The following CHD9 variants were observed in gnomAD, a reference collection of about 807,000 sequenced individuals.
CHD9 encodes chromodomain helicase DNA binding protein 9, also known as ATP-dependent chromatin remodeler CHD9.
In CHD9, 77 loss-of-function variants were observed where a neutral mutation model predicts 316.1. That is an observed-to-expected ratio of 0.24 (90% CI 0.20 to 0.29). CHD9 has a LOEUF of 0.29. CHD9 is among the 10% of genes least tolerant of loss of function. The pLI is 1.00. For missense variants in CHD9, 2,763 were observed against 3,438.1 expected, an observed-to-expected ratio of 0.80 and a Z score of 4.91; for synonymous variants, 1,129 against 1,158.3, an observed-to-expected ratio of 0.97 and a Z score of 0.51.
chr16:53,264,541 C>G (rs1035041586), intron 20 of CHD9, among the ~76,000 whole-genome samples: 2 of 152,088 alleles, frequency 1.3e-5, no homozygotes, highest in Non-Finnish European at 1.5e-5. Flanking sequence ...AATGTGATCT[C>G]TATTTATGAT....
At chr16:53,173,092 T>C (rs1336667501) in intron 2 of CHD9, among the ~76,000 whole-genome samples, 1 of 152,174 alleles carries the variant, frequency 6.6e-6, no homozygotes, top group Non-Finnish European at 1.5e-5. Flanking sequence ...AGTGAAGATT[T>C]TCTCTTATGT....
intron 1 of CHD9, among the ~76,000 whole-genome samples, chr16:53,143,403 T>C (rs1413121783): frequency 6.8e-6 from 1 of 146,296 alleles, no homozygotes; most frequent in Non-Finnish European, 1.5e-5. Context: ...TATTTATTTA[T>C]CTGAGGCAGA....
At chr16:53,320,631 T>C (rs2153114015) in intron 37 of CHD9, among the ~76,000 whole-genome samples, 1 of 152,278 alleles carries the variant, frequency 6.6e-6, no homozygotes, top group South Asian at 2.1e-4. Flanking sequence ...AAGAAGAAAT[T>C]ACTCAAGAAA....
rs192620943 is a variant in CHD9 at position 53,214,936 on chromosome 16, C to T, written c.1784+5123C>T. Among the ~76,000 whole-genome samples, 380 of 142,928 alleles carry T rather than the reference C, an allele frequency of 2.7e-3. 1 individual carries two copies. Among genetic ancestry groups the T allele is most frequent in the Non-Finnish European group, 3.9e-3 (257 of 66,288 alleles). 93.8% of individuals were successfully genotyped at this position (142,928 alleles called of 152,430 possible). Reference sequence around the variant, plus strand: ...ATATCTTTTTTTTTTTTTTTTGAGACGGAGTCTCACTCTGTCTCCCAGGCT... The same window carrying T: ...ATATCTTTTTTTTTTTTTTTTGAGATGGAGTCTCACTCTGTCTCCCAGGCT... On this transcript the variant is annotated intron_variant, in intron 3 of 38. Transcript: ENST00000447540.
chr16:53,187,369 G>A (rs2044109293), intron 2 of CHD9, among the ~76,000 whole-genome samples: 2 of 151,964 alleles, frequency 1.3e-5, no homozygotes, highest in African/African-American at 2.4e-5. Context: ...AAATTAGCTG[G>A]GCATGGTGAC....
chr16:53,286,330 G>T lies in CHD9; in HGVS notation c.5176G>T (p.Asp1726Tyr). 1 of 1,582,026 alleles carries T rather than the reference G, an allele frequency of 6.3e-7. No individual in the cohort carries two copies. Among genetic ancestry groups the T allele is most frequent in the South Asian group, 1.1e-5 (1 of 90,358 alleles). ...KAVAAEQRAN[D>Y]YMDGDVEDPE... is the part of the protein sequence containing the mutation. The stretch of plus-strand genomic sequence containing the variant: ...AGTTGCTGCTGAACAGAGAGCGAAT[G>T]ATTATATGGATGGGTATGTGTGTTT... Residue 1726 changes from aspartate (D) to tyrosine (Y), a missense_variant, in exon 26 of 39, where the codon GAT (aspartate) becomes TAT (tyrosine). Transcript: ENST00000447540.
At chr16:53,073,358 T>C (rs2034267002) in intron 1 of CHD9, among the ~76,000 whole-genome samples, 1 of 152,256 alleles carries the variant, frequency 6.6e-6, no homozygotes. Flanking sequence ...TATGTTTATG[T>C]ACCACAGTCT....
At chr16:53,170,298 ATG>A (rs2042608556) in intron 2 of CHD9, among the ~76,000 whole-genome samples, 2 of 152,150 alleles carry the variant, frequency 1.3e-5, no homozygotes, top group Admixed American at 6.5e-5. Context: ...TGTTATAAAA[ATG>A]TGTTTATAAA....
chr16:53,280,271 C>T (rs966548383), intron 24 of CHD9, among the ~76,000 whole-genome samples: 2 of 152,156 alleles, frequency 1.3e-5, no homozygotes, highest in Admixed American at 1.3e-4. Flanking sequence ...TGGAACCAAC[C>T]CAAATGCCCA....
At chr16:53,148,225 T>C (rs999377352) in intron 1 of CHD9, among the ~76,000 whole-genome samples, 1 of 151,852 alleles carries the variant, frequency 6.6e-6, no homozygotes. Context: ...TATATAAAAT[T>C]TTGCTTATTT....
At chr16:53,121,171 T>C in intron 1 of CHD9, 1 of 331,944 alleles carries the variant, frequency 3.0e-6, no homozygotes, top group East Asian at 7.7e-5. Flanking sequence ...ATCTTGTTCA[T>C]TGTTGTATTC....
chr16:53,316,936 C>T (rs1229280154), intron 36 of CHD9, among the ~76,000 whole-genome samples: 2 of 152,024 alleles, frequency 1.3e-5, no homozygotes, highest in Non-Finnish European at 1.5e-5. Flanking sequence ...CGGTAGCTCA[C>T]GCCTGTAATC....
intron 1 of CHD9, among the ~76,000 whole-genome samples, chr16:53,103,219 G>A (rs2037052671): frequency 6.7e-6 from 1 of 148,664 alleles, no homozygotes; most frequent in South Asian, 2.1e-4. Context: ...TTAAAAAAGA[G>A]ATGGGGTTTC....
At chr16:53,231,143 C>T (rs917814581) in intron 8 of CHD9, among the ~76,000 whole-genome samples, 2 of 152,072 alleles carry the variant, frequency 1.3e-5, no homozygotes, top group East Asian at 1.9e-4. Flanking sequence ...TGAGGAAAAG[C>T]GTAAAGGAAA....
intron 2 of CHD9, among the ~76,000 whole-genome samples, chr16:53,186,039 C>T (rs755537824): frequency 4.6e-5 from 7 of 152,164 alleles, no homozygotes; most frequent in Admixed American, 2.0e-4. Flanking sequence ...GAGTCCCCAC[C>T]GGGGCACTGC....
intron 2 of CHD9, among the ~76,000 whole-genome samples, chr16:53,178,577 T>C (rs1164217498): frequency 1.3e-5 from 2 of 151,896 alleles, no homozygotes; most frequent in African/African-American, 4.8e-5. Context: ...CAGCCTCCCA[T>C]GTAGCTGGGA....
At chr16:53,312,824 C>T (rs970725721) in intron 34 of CHD9, among the ~76,000 whole-genome samples, 9 of 152,236 alleles carry the variant, frequency 5.9e-5, no homozygotes, top group Middle Eastern at 3.4e-3. Flanking sequence ...TTACACAGCT[C>T]GCCAGAAGGC....
intron 1 of CHD9, among the ~76,000 whole-genome samples, chr16:53,147,877 A>G (rs566497709): frequency 6.6e-6 from 1 of 152,244 alleles, no homozygotes; most frequent in African/African-American, 2.4e-5. Context: ...TTGCTGGGTC[A>G]TAAGGTAATT....
At chr16:53,234,422 GCAGT>G (rs1471389104) in intron 10 of CHD9, among the ~76,000 whole-genome samples, 12 of 152,240 alleles carry the variant, frequency 7.9e-5, no homozygotes, top group Non-Finnish European at 1.5e-4. Flanking sequence ...TAGGGGGAAA[GCAGT>G]CAGTCTTTCA....
Sources: gnomAD v4.1 joint callset for allele counts (sites outside exome capture counted in the v4.1 genomes callset) on GRCh38, gnomAD v4.1.1 for gene constraint, MANE v1.5 for transcripts, NCBI Gene and HGNC (gene_info 2026-07-23, HGNC 2026-07-21) for gene names.